The following WARS2 variants were observed in gnomAD, a reference collection of about 807,000 sequenced individuals.
WARS2 encodes tryptophanyl tRNA synthetase 2, mitochondrial.
In WARS2, 28 loss-of-function variants were observed where a neutral mutation model predicts 36.5. That is an observed-to-expected ratio of 0.77 (90% CI 0.57 to 1.05). WARS2 has a LOEUF of 1.05. Among genes scored for constraint, WARS2 ranks in the 50% least tolerant of loss-of-function variants. The pLI is 0.00. For missense variants in WARS2, 435 were observed against 456.8 expected (o/e 0.95, Z 0.44); for synonymous variants, 174 against 178.4 (o/e 0.98, Z 0.20).
intron 1 of WARS2, among the ~76,000 whole-genome samples, chr1:119,115,344 A>G (rs934301738): frequency 1.3e-5 from 2 of 152,194 alleles, no homozygotes; most frequent in Admixed American, 1.3e-4. Context: ...ACAAGTTGGC[A>G]GTAACCCTTG....
intron 1 of WARS2, among the ~76,000 whole-genome samples, chr1:119,095,537 A>G (rs1287782389): frequency 6.6e-6 from 1 of 151,870 alleles, no homozygotes; most frequent in Non-Finnish European, 1.5e-5. Flanking sequence ...GGTTCAAGGG[A>G]TTCTCCTGCC....
chr1:119,075,153 T>C (rs1408814761), intron 2 of WARS2, among the ~76,000 whole-genome samples: 1 of 151,536 alleles, frequency 6.6e-6, no homozygotes, highest in East Asian at 2.0e-4. Context: ...AAAAAATTAG[T>C]GTATATATAT....
chr1:119,140,506 G>T, intron 1 of WARS2, 49 bp downstream of exon 1: 1 of 1,565,242 alleles, frequency 6.4e-7, no homozygotes. Flanking sequence ...GGGATGAGAA[G>T]AACCTCGCGG....
In WARS2 at chr1:119,058,465, A is replaced by G. The variant is rs528341805; in HGVS notation, c.349-12803T>C. Among the ~76,000 whole-genome samples the G allele has an allele frequency of 1.1e-3, 48 of 44,852 alleles. No homozygotes were observed. The South Asian group carries it at 0.039, about 36-fold the overall frequency. The allele number at this position is 44,852 out of a possible 152,430, so 29.4% of individuals were successfully genotyped here. A position where few individuals can be genotyped will look rare whatever the true frequency, so the allele number is the denominator to read the frequency against. Reference sequence around the variant, plus strand: ...CAATGCTATCCCTCCCCCCTCCCCCAACCCCACCACAGTCCCCAGAGTGTG... The same window carrying G: ...CAATGCTATCCCTCCCCCCTCCCCCGACCCCACCACAGTCCCCAGAGTGTG... On this transcript the variant is annotated intron_variant, in intron 2 of 5. Coordinates refer to ENST00000235521, the MANE Select transcript of WARS2 (RefSeq NM_015836.4).
intron 2 of WARS2, among the ~76,000 whole-genome samples, chr1:119,057,930 G>T (rs1215378258): frequency 6.6e-6 from 1 of 152,102 alleles, no homozygotes; most frequent in Non-Finnish European, 1.5e-5. Flanking sequence ...TTTCTTAATG[G>T]TGTTTTTGAA....
intron 1 of WARS2, chr1:119,126,915 A>G (rs1655703979): frequency 2.8e-5 from 22 of 784,112 alleles, no homozygotes; most frequent in South Asian, 2.8e-4. Flanking sequence ...AGTAAAACCA[A>G]CACAGAACAG....
chr1:119,088,565 G>A (rs986703093), intron 1 of WARS2, among the ~76,000 whole-genome samples: 12 of 152,138 alleles, frequency 7.9e-5, no homozygotes, highest in African/African-American at 2.9e-4. Flanking sequence ...ATCATGTATA[G>A]GCAGAGGCCC....
intron 1 of WARS2, among the ~76,000 whole-genome samples, chr1:119,088,636 C>T (rs971893631): frequency 1.5e-4 from 23 of 152,184 alleles, no homozygotes; most frequent in Non-Finnish European, 2.2e-4. Flanking sequence ...AAGATTATGA[C>T]GCTGTGGTCG....
At chr1:119,097,645 T>C (rs766017346) in intron 1 of WARS2, among the ~76,000 whole-genome samples, 3 of 152,198 alleles carry the variant, frequency 2.0e-5, no homozygotes, top group Non-Finnish European at 4.4e-5. Context: ...CTCCCTCTAT[T>C]ATAGCACATA....
intron 1 of WARS2, among the ~76,000 whole-genome samples, chr1:119,083,120 T>C (rs1032028925): frequency 6.6e-6 from 1 of 152,072 alleles, no homozygotes; most frequent in Admixed American, 6.5e-5. Flanking sequence ...TCCCAGCTAC[T>C]TGGGAGGCTG....
At chr1:119,086,078 T>A in intron 1 of WARS2, 1 of 1,056,340 alleles carries the variant, frequency 9.5e-7, no homozygotes, top group African/African-American at 1.6e-5. Flanking sequence ...CAGATTGGTC[T>A]CAAACTCCTA....
At chr1:119,109,906 T>C (rs1162538632) in intron 1 of WARS2, among the ~76,000 whole-genome samples, 1 of 151,904 alleles carries the variant, frequency 6.6e-6, no homozygotes, top group African/African-American at 2.4e-5. Context: ...ACACTTTTTT[T>C]ATTTTTCTAC....
At position 119,134,319 on chromosome 1, in the gene WARS2, C is replaced by CAAAAAAAAAAAAAAAAAAAAAAAAA. The variant is rs761321480; in HGVS notation, c.90+6235_90+6236insTTTTTTTTTTTTTTTTTTTTTTTTT. Among the ~76,000 whole-genome samples the CAAAAAAAAAAAAAAAAAAAAAAAAA allele has an allele frequency of 1.8e-4, 12 of 65,870 alleles. 1 individual carries two copies. Among genetic ancestry groups the CAAAAAAAAAAAAAAAAAAAAAAAAA allele is most frequent in the South Asian group, 7.6e-4 (1 of 1,310 alleles). 43.2% of individuals were successfully genotyped at this position (65,870 alleles called of 152,430 possible). On this transcript the variant is annotated intron_variant, in intron 1 of 5. Transcript: ENST00000235521. The stretch of plus-strand genomic sequence containing the variant: ...CTCTGCTTTTTAGGAGGCAAAGGGG[C>CAAAAAAAAAAAAAAAAAAAAAAAAA]AAAAAAAAAAAAAAAAAAAAAACAA...
chr1:119,107,065 G>T (rs916646752), intron 1 of WARS2, among the ~76,000 whole-genome samples: 2 of 152,056 alleles, frequency 1.3e-5, no homozygotes, highest in Non-Finnish European at 2.9e-5. Context: ...AAGTGATGTT[G>T]AACATCTTTT....
At chr1:119,055,776 CTGAA>C (rs1320025513) in intron 2 of WARS2, among the ~76,000 whole-genome samples, 1 of 151,258 alleles carries the variant, frequency 6.6e-6, no homozygotes, top group African/African-American at 2.4e-5. Flanking sequence ...GAAAGAATAT[CTGAA>C]AGGAGAAAGA....
chr1:119,085,433 C>G (rs1652567936), intron 1 of WARS2: 1 of 1,495,270 alleles, frequency 6.7e-7, no homozygotes, highest in South Asian at 1.2e-5. Flanking sequence ...CTGCCTGTAC[C>G]TCCCAGTCAG....
At chr1:119,078,351 T>C (rs1254056170) in intron 1 of WARS2, among the ~76,000 whole-genome samples, 1 of 152,232 alleles carries the variant, frequency 6.6e-6, no homozygotes, top group Non-Finnish European at 1.5e-5. Context: ...CTCTAGTGTA[T>C]ATATCTAGGA....
chr1:119,077,990 A>G (rs192422561), intron 1 of WARS2, among the ~76,000 whole-genome samples: 2 of 152,344 alleles, frequency 1.3e-5, no homozygotes, highest in Non-Finnish European at 1.5e-5. Context: ...TGCTTTACAT[A>G]TATTAATGCA....
At chr1:119,086,577 C>T (rs587620249) in intron 1 of WARS2, among the ~76,000 whole-genome samples, 4 of 152,156 alleles carry the variant, frequency 2.6e-5, no homozygotes, top group Non-Finnish European at 5.9e-5. Context: ...TTGACCTCAC[C>T]CCAGTCAAGC....
Sources: allele counts gnomAD v4.1 joint callset (sites outside exome capture counted in the v4.1 genomes callset), GRCh38; gene constraint gnomAD v4.1.1; transcripts MANE v1.5; gene names NCBI Gene and HGNC (gene_info 2026-07-23, HGNC 2026-07-21).